BEAN1: variants seen among roughly 807,000 people sequenced by gnomAD.
BEAN1 encodes the protein brain expressed associated with NEDD4 1.
In BEAN1, 17 loss-of-function variants were observed where a neutral mutation model predicts 17.7. The observed-to-expected ratio is 0.96, with a 90% CI of 0.66 to 1.44. The LOEUF (loss-of-function observed/expected upper bound fraction) is 1.44. Among genes scored for constraint, BEAN1 ranks in the 40% most tolerant of loss-of-function variants. The pLI is 0.00. For missense variants in BEAN1, 359 were observed against 374.1 expected (o/e 0.96, Z 0.33); for synonymous variants, 142 against 151.8 (o/e 0.94, Z 0.47).
At chr16:66,450,473 T>C (rs1962630832) in intron 2 of BEAN1, among the ~76,000 whole-genome samples, 1 of 152,100 alleles carries the variant, frequency 6.6e-6, no homozygotes, top group Non-Finnish European at 1.5e-5. Flanking sequence ...CCCAGCACTT[T>C]GGGAGGCCGA....
chr16:66,484,998 T>A (rs984388860), downstream of BEAN1: 18 of 454,012 alleles, frequency 4.0e-5, no homozygotes, highest in African/African-American at 3.4e-4. The surrounding 1 kb of genome is among the most constrained non-coding windows in gnomAD (Gnocchi z 4.2). Context: ...AGAGCCATCA[T>A]TGGGTCCCCG....
intron 1 of BEAN1, among the ~76,000 whole-genome samples, chr16:66,430,389 G>T (rs889045305): frequency 6.6e-6 from 1 of 152,142 alleles, no homozygotes; most frequent in Non-Finnish European, 1.5e-5. Context: ...GAACACTGAG[G>T]CTTGAAACGT....
chr16:66,443,900 TCCTGGCGTCAAGTGATCCA>T (rs1596990229), intron 2 of BEAN1, among the ~76,000 whole-genome samples: 5 of 152,138 alleles, frequency 3.3e-5, no homozygotes, highest in African/African-American at 1.2e-4. Flanking sequence ...GGTCTTAAAC[TCCTGGCGTCAAGTGATCCA>T]CCTGCCTCGG....
chr16:66,455,459 T>A (rs1962828302), intron 2 of BEAN1, among the ~76,000 whole-genome samples: 1 of 152,204 alleles, frequency 6.6e-6, no homozygotes, highest in Non-Finnish European at 1.5e-5. Flanking sequence ...CCTTTCCTTT[T>A]GAAGTTGAGC....
downstream of BEAN1, among the ~76,000 whole-genome samples, chr16:66,487,238 C>G (rs1964101856): frequency 6.6e-6 from 1 of 152,200 alleles, no homozygotes; most frequent in Non-Finnish European, 1.5e-5. Context: ...TGAATCTATG[C>G]AACTGGGCCT....
intron 1 of BEAN1, among the ~76,000 whole-genome samples, chr16:66,432,621 T>C (rs939486362): frequency 6.6e-6 from 1 of 152,200 alleles, no homozygotes; most frequent in Non-Finnish European, 1.5e-5. Context: ...AGGGACACAG[T>C]GATTGTCTGA....
chr16:66,493,341 C>A, exon 5 of BEAN1: 1 of 682,180 alleles, frequency 1.5e-6, no homozygotes, highest in South Asian at 1.6e-5. Flanking sequence ...ACGGCCCTGG[C>A]AGAGGGCACT....
intron 2 of BEAN1, among the ~76,000 whole-genome samples, chr16:66,467,907 C>T (rs1963314579): frequency 6.6e-6 from 1 of 152,236 alleles, no homozygotes; most frequent in Non-Finnish European, 1.5e-5. Context: ...TGTTTCTAGC[C>T]CCAGCTAAGG....
chr16:66,480,308 G>C lies in BEAN1; in HGVS notation c.441-278G>C, dbSNP rs182909419. 1.6e-3 allele frequency among the ~76,000 whole-genome samples: 240 copies of C among 152,284 alleles called. 1 individual carries two copies. The highest frequency in any genetic ancestry group is 5.4e-3 in the African/African-American group (225 of 41,556). On this transcript the variant is annotated intron_variant, in intron 4 of 4. Coordinates refer to ENST00000536005, the MANE Select transcript of BEAN1 (RefSeq NM_001178020.3). ...TGCTCCCTAGACAGTGGCCACTGCTGTTTCGAGGCACCGCAGACCCAGGCA... is the reference window on the plus strand; with the variant it reads ...TGCTCCCTAGACAGTGGCCACTGCTCTTTCGAGGCACCGCAGACCCAGGCA...
chr16:66,489,936 AG>A (rs1188175441), intron 4 of BEAN1, among the ~76,000 whole-genome samples: 1 of 152,070 alleles, frequency 6.6e-6, no homozygotes, highest in African/African-American at 2.4e-5. Flanking sequence ...TGTAGGGGGC[AG>A]GGGAGTTGGG....
At chr16:66,430,689 C>A (rs573682589) in intron 1 of BEAN1, among the ~76,000 whole-genome samples, 2 of 152,298 alleles carry the variant, frequency 1.3e-5, no homozygotes, top group Non-Finnish European at 1.5e-5. Flanking sequence ...CTGTTCATTA[C>A]CTATCCTTCT....
chr16:66,443,392 G>T (rs1962330646), intron 2 of BEAN1, among the ~76,000 whole-genome samples: 2 of 152,236 alleles, frequency 1.3e-5, no homozygotes, highest in Admixed American at 1.3e-4. Flanking sequence ...GAAGAAATTA[G>T]TCTAGATGGC....
rs962398839 is a variant in BEAN1, at chr16:66,437,637, C to T, written c.-40C>T. On this transcript the variant is annotated 5_prime_UTR_variant, in exon 2 of 5. Transcript: ENST00000536005. ...CCCTGCGAGAAGTCAGAGCTGTGCC[C>T]GTGGGCAGGCTGGCTCCGCTGTTCT... The T allele has an allele frequency of 1.2e-5, 19 of 1,533,566 alleles. No individual in the cohort carries two copies. Among genetic ancestry groups the T allele is most frequent in the South Asian group, 9.5e-5 (8 of 83,980 alleles). 95.0% of individuals were successfully genotyped at this position (1,533,566 alleles called of 1,614,324 possible).
chr16:66,489,706 G>A (rs180776084), intron 4 of BEAN1, among the ~76,000 whole-genome samples: 190 of 152,280 alleles, frequency 1.2e-3, no homozygotes, highest in African/African-American at 4.5e-3. Flanking sequence ...AGGTTGCAAC[G>A]GGCAGCACAG....
At chr16:66,494,764 G>A (rs186280577), downstream of BEAN1, among the ~76,000 whole-genome samples, 69 of 152,276 alleles carry the variant, frequency 4.5e-4, no homozygotes, top group Middle Eastern at 3.4e-3. Flanking sequence ...AGGAGCGGGG[G>A]CACCCCCTCT....
At chr16:66,435,797 G>T (rs1490625640) in intron 1 of BEAN1, among the ~76,000 whole-genome samples, 2 of 152,080 alleles carry the variant, frequency 1.3e-5, no homozygotes, top group Non-Finnish European at 2.9e-5. Context: ...AAAATAACTG[G>T]TTTTTCTATT....
chr16:66,437,185 T>C (rs1962059578), intron 1 of BEAN1, among the ~76,000 whole-genome samples: 1 of 152,180 alleles, frequency 6.6e-6, no homozygotes, highest in African/African-American at 2.4e-5. Context: ...GAGCTTGAAC[T>C]AGCCCCTCAC....
chr16:66,477,839 G>A, intron 4 of BEAN1, 129 bp downstream of exon 4: 1 of 1,121,674 alleles, frequency 8.9e-7, no homozygotes, highest in Non-Finnish European at 1.2e-6. Context: ...CTGCTCAGTG[G>A]GCATGGCCAC....
intron 1 of BEAN1, among the ~76,000 whole-genome samples, chr16:66,436,266 CTTTTTTTTTTTT>C (rs560577711): frequency 1.7e-5 from 2 of 120,642 alleles, no homozygotes; most frequent in Non-Finnish European, 3.5e-5. Context: ...TTTTTCTTTT[CTTTTTTTTTTTT>C]TTTTTTTGAG....
Sources: allele counts gnomAD v4.1 joint callset (sites outside exome capture counted in the v4.1 genomes callset), GRCh38; gene constraint gnomAD v4.1.1; non-coding constraint Gnocchi (gnomAD v3.1); transcripts MANE v1.5; gene names NCBI Gene and HGNC (gene_info 2026-07-23, HGNC 2026-07-21).